The following ERC2 variants were observed in gnomAD, a reference collection of about 807,000 sequenced individuals.
ERC2 encodes ELKS/RAB6-interacting/CAST family member 2.
ERC2 carries 42 observed loss-of-function variants against 114.8 expected under a neutral mutation model. The observed-to-expected ratio is 0.37, with a 90% CI of 0.29 to 0.47. ERC2 has a LOEUF of 0.47. Ranked by LOEUF, ERC2 falls within the 20% of genes least tolerant of loss-of-function variation. The pLI is 0.99. For missense variants in ERC2, 939 were observed against 1,150.7 expected, an observed-to-expected ratio of 0.82 and a Z score of 2.66; for synonymous variants, 454 against 425.5, an observed-to-expected ratio of 1.07 and a Z score of -0.82.
At chr3:55,555,375 A>C (rs929855146) in intron 17 of ERC2, among the ~76,000 whole-genome samples, 3 of 152,216 alleles carry the variant, frequency 2.0e-5, no homozygotes, top group African/African-American at 7.2e-5. Flanking sequence ...AGTGAAGCTG[A>C]GTCCTGAGCA....
chr3:56,451,053 CTATG>C, intron 1 of ERC2, among the ~76,000 whole-genome samples: 1 of 152,098 alleles, frequency 6.6e-6, no homozygotes, highest in African/African-American at 2.4e-5. Flanking sequence ...TTTTAAACAT[CTATG>C]CATTTCCTTT....
chr3:56,002,291 G>A (rs115390283), intron 10 of ERC2, among the ~76,000 whole-genome samples: 1,652 of 152,190 alleles, frequency 0.011, 28 homozygotes, highest in African/African-American at 0.037. Flanking sequence ...ATACATAGGA[G>A]GTGATTAGAA....
chr3:55,538,745 C>T (rs751574799), intron 17 of ERC2, among the ~76,000 whole-genome samples: 3 of 152,284 alleles, frequency 2.0e-5, no homozygotes, highest in Middle Eastern at 3.4e-3. Flanking sequence ...TATATAATCC[C>T]GGAATAACCG....
chr3:55,742,070 CA>C (rs79529515), intron 14 of ERC2, among the ~76,000 whole-genome samples: 1 of 147,472 alleles, frequency 6.8e-6, no homozygotes, highest in East Asian at 2.0e-4. Flanking sequence ...AATAAAACAC[CA>C]AAAAAAATGG....
chr3:55,919,714 C>A (rs1276272966), intron 13 of ERC2, among the ~76,000 whole-genome samples: 1 of 152,090 alleles, frequency 6.6e-6, no homozygotes, highest in Non-Finnish European at 1.5e-5. Flanking sequence ...AAGGAGATGA[C>A]CGACTTGCAA....
chr3:56,158,512 T>C (rs1352012), intron 4 of ERC2, among the ~76,000 whole-genome samples: 17,523 of 152,140 alleles, frequency 0.12, 1,562 homozygotes, highest in African/African-American at 0.23. Flanking sequence ...AGGGAAGAGA[T>C]GGAGAGGCAA....
At chr3:55,980,789 T>C (rs1019119859) in intron 12 of ERC2, among the ~76,000 whole-genome samples, 3 of 152,124 alleles carry the variant, frequency 2.0e-5, no homozygotes, top group African/African-American at 7.2e-5. Context: ...TCTTACCGAC[T>C]TGGTATCTCT....
chr3:56,384,756 C>A (rs1318235221), intron 2 of ERC2, among the ~76,000 whole-genome samples: 6 of 152,028 alleles, frequency 3.9e-5, no homozygotes, highest in Non-Finnish European at 8.8e-5. Context: ...TGGTGTCCTA[C>A]CTAAGATATC....
chr3:55,987,197 G>A (rs776000868), intron 11 of ERC2, among the ~76,000 whole-genome samples: 64 of 152,108 alleles, frequency 4.2e-4, no homozygotes, highest in Non-Finnish European at 6.5e-4. Flanking sequence ...TCATAAATGC[G>A]CAACTGATCT....
At chr3:56,195,504 T>TGTGC in intron 3 of ERC2, among the ~76,000 whole-genome samples, 1 of 151,490 alleles carries the variant, frequency 6.6e-6, no homozygotes, top group Non-Finnish European at 1.5e-5. Flanking sequence ...TGTGTGCGTG[T>TGTGC]GTGTGTGTGT....
chr3:55,845,699 T>C (rs1575818525), intron 14 of ERC2, among the ~76,000 whole-genome samples: 1 of 152,232 alleles, frequency 6.6e-6, no homozygotes, highest in East Asian at 1.9e-4. Context: ...TGAGTCTGAA[T>C]CTATAAGCCA....
chr3:55,997,522 T>C (rs2071614893), intron 10 of ERC2, among the ~76,000 whole-genome samples: 1 of 148,180 alleles, frequency 6.7e-6, no homozygotes, highest in Non-Finnish European at 1.5e-5. Context: ...TTATATATTA[T>C]ATATGTTATA....
chr3:55,733,015 G>A (rs1028519705), intron 15 of ERC2, among the ~76,000 whole-genome samples: 5 of 152,246 alleles, frequency 3.3e-5, no homozygotes, highest in East Asian at 1.9e-4. Flanking sequence ...TGTATGCATC[G>A]TAGCTGGACC....
chr3:56,354,993 T>C (rs889634513), intron 2 of ERC2, among the ~76,000 whole-genome samples: 1 of 152,212 alleles, frequency 6.6e-6, no homozygotes, highest in Non-Finnish European at 1.5e-5. Flanking sequence ...AATAGGGAGA[T>C]ACAGAAACAT....
chr3:56,243,841 C>T (rs866123993), intron 3 of ERC2, among the ~76,000 whole-genome samples: 5 of 152,040 alleles, frequency 3.3e-5, no homozygotes, highest in African/African-American at 9.6e-5. Context: ...TATCTGAGAG[C>T]GAGGCAAGTT....
intron 10 of ERC2, chr3:56,002,987 G>T: frequency 1.6e-6 from 1 of 640,474 alleles, no homozygotes; most frequent in Non-Finnish European, 2.3e-6. Flanking sequence ...AACGGAAAGG[G>T]GAAGAAACTC....
intron 17 of ERC2, among the ~76,000 whole-genome samples, chr3:55,550,131 G>T (rs986357926): frequency 6.6e-6 from 1 of 152,032 alleles, no homozygotes; most frequent in African/African-American, 2.4e-5. Flanking sequence ...CTCCCTCTCT[G>T]CTGAACCTTC....
At chr3:56,019,871 T>G (rs780381470) in intron 7 of ERC2, among the ~76,000 whole-genome samples, 3 of 152,164 alleles carry the variant, frequency 2.0e-5, no homozygotes, top group Non-Finnish European at 4.4e-5. Context: ...AACAATTTAT[T>G]CGTATTAAGG....
At chr3:56,249,857 T>TC (rs2052014687) in intron 3 of ERC2, among the ~76,000 whole-genome samples, 1 of 142,624 alleles carries the variant, frequency 7.0e-6, no homozygotes, top group South Asian at 2.3e-4. Context: ...TCAAATTTCT[T>TC]TTTTTTTTTT....
Sources: gnomAD v4.1 joint callset for allele counts (sites outside exome capture counted in the v4.1 genomes callset) on GRCh38, gnomAD v4.1.1 for gene constraint, MANE v1.5 for transcripts, NCBI Gene and HGNC (gene_info 2026-07-23, HGNC 2026-07-21) for gene names.